Variants in LRRIQ4 observed in about 807,000 individuals in gnomAD.
LRRIQ4 encodes leucine-rich repeat and IQ domain-containing protein 4.
LRRIQ4 carries 21 observed loss-of-function variants against 40.1 expected under a neutral mutation model. That is an observed-to-expected ratio of 0.52 (90% CI 0.37 to 0.75). The LOEUF is 0.75. LRRIQ4 is among the 30% of genes least tolerant of loss of function. LRRIQ4 has a pLI of 0.00. For missense variants in LRRIQ4, 655 were observed against 660.0 expected, an observed-to-expected ratio of 0.99 and a Z score of 0.08; for synonymous variants, 277 against 277.1, an observed-to-expected ratio of 1.00 and a Z score of 0.00.
In LRRIQ4 at chr3:169,837,618, G is replaced by A. The variant is rs1780339271; in HGVS notation, c.1670G>A (p.Gly557Glu). Residue 557 changes from glycine (G) to glutamate (E), a missense_variant, in exon 6 of 6, where the codon GGA becomes GAA. Physicochemically the swap from Gly to Glu is moderately conservative, Grantham distance 98. Coordinates refer to ENST00000340806, the MANE Select transcript of LRRIQ4 (RefSeq NM_001080460.3). Reference protein sequence around the residue: ...KKDVKGKPGKGKKK With the variant: ...KKDVKGKPGKEKKK ...GATGTAAAAGGAAAACCAGGAAAGG[G>A]AAAAAAGAAATAATCCTGTAAATTG... The A allele has an allele frequency of 1.3e-6, 2 of 1,571,994 alleles. No individual in the cohort carries two copies. Among genetic ancestry groups the A allele is most frequent in the Non-Finnish European group, 1.7e-6 (2 of 1,161,428 alleles).
At chr3:169,814,067 C>T (rs1213606635) in intron 1 of LRRIQ4, among the ~76,000 whole-genome samples, 3 of 152,172 alleles carry the variant, frequency 2.0e-5, no homozygotes, top group African/African-American at 7.2e-5. Flanking sequence ...GTTAGACCCT[C>T]TGTCTTACCG....
In LRRIQ4 at chr3:169,837,695, A is replaced by G. The variant is rs1780341401; in HGVS notation, c.*64A>G. On this transcript the variant is annotated 3_prime_UTR_variant, in exon 6 of 6. Coordinates refer to ENST00000340806, the MANE Select transcript of LRRIQ4 (RefSeq NM_001080460.3). The stretch of plus-strand genomic sequence containing the variant: ...GATTAAGAAGACAAAATATCTAGGA[A>G]TTAGATGCCTACTACATTAAAATTA... 1.6e-6 allele frequency: 2 copies of G among 1,224,560 alleles called. No individual in the cohort carries two copies. The highest frequency in any genetic ancestry group is 6.1e-5 in the Admixed American group (2 of 32,708). The allele number at this position is 1,224,560 out of a possible 1,614,324, so 75.9% of individuals were successfully genotyped here.
intron 2 of LRRIQ4, among the ~76,000 whole-genome samples, chr3:169,824,822 T>C (rs779954941): frequency 1.4e-4 from 22 of 151,756 alleles, no homozygotes; most frequent in Non-Finnish European, 2.5e-4. Flanking sequence ...CTATAATATT[T>C]GATTTAAAAA....
chr3:169,832,821 A>G (rs939085660), intron 4 of LRRIQ4, among the ~76,000 whole-genome samples, 166 bp from the exon 5 acceptor site: 9 of 152,128 alleles, frequency 5.9e-5, no homozygotes, highest in African/African-American at 2.2e-4. Flanking sequence ...TAGAGCTAGA[A>G]CTTTTATTAG....
In LRRIQ4 at chr3:169,833,162, C is replaced by T. The variant is rs1480193743; in HGVS notation, c.1509C>T (p.Asn503=). The part of the protein sequence containing the change: ...AIWKYLKENR[N]RNIMATKIQA... ...GGAAATACCTCAAGGAAAACAGAAA[C>T]AGGAATATAATGGCAACAAAGGTAA... Residue 503 remains asparagine, a synonymous_variant, in exon 5 of 6, where the codon AAC becomes AAT. Coordinates refer to ENST00000340806, the MANE Select transcript of LRRIQ4 (RefSeq NM_001080460.3). The T allele has an allele frequency of 6.2e-7, 1 of 1,612,852 alleles. No homozygotes were observed. The highest frequency in any genetic ancestry group is 8.5e-7 in the Non-Finnish European group (1 of 1,179,572).
chr3:169,829,438 A>T (rs1011208932), intron 3 of LRRIQ4, among the ~76,000 whole-genome samples: 6 of 151,702 alleles, frequency 4.0e-5, no homozygotes, highest in African/African-American at 1.5e-4. Flanking sequence ...GGATAACTTC[A>T]TTCAAAGTAG....
Position 169,822,181 on chromosome 3 carries a change from GC to G in LRRIQ4, c.263del (p.Pro88ArgfsTer6), listed in dbSNP as rs765483907. 6.2e-7 allele frequency: 1 copy of G among 1,607,256 alleles called. No individual in the cohort carries two copies. The highest frequency in any genetic ancestry group is 8.5e-7 in the Non-Finnish European group (1 of 1,178,220). On this transcript the variant is annotated frameshift_variant, in exon 2 of 6. Transcript: ENST00000340806. LOFTEE classifies it high-confidence loss of function. Reference sequence around the variant, plus strand: ...GATAAGAACAACCTGAGGAGCCTGTGCCCGGCGCTGGGGCTGCTGAGCAGCC... The same window carrying G: ...GATAAGAACAACCTGAGGAGCCTGTGCCGGCGCTGGGGCTGCTGAGCAGCC... ...YLDKNNLRSL[C>X]PALGLLSSLE...
intron 2 of LRRIQ4, among the ~76,000 whole-genome samples, chr3:169,828,250 T>G (rs1780085055): frequency 6.6e-6 from 1 of 151,998 alleles, no homozygotes; most frequent in Admixed American, 6.6e-5. Flanking sequence ...TTTTTTTTTT[T>G]GAGACAGATT....
intron 1 of LRRIQ4, among the ~76,000 whole-genome samples, chr3:169,820,718 G>A (rs1334485498): frequency 5.3e-5 from 8 of 152,020 alleles, no homozygotes; most frequent in Non-Finnish European, 8.8e-5. Context: ...TTTGTTTCTG[G>A]GTTGGGCTTT....
intron 2 of LRRIQ4, among the ~76,000 whole-genome samples, chr3:169,826,290 G>A (rs1197379046): frequency 6.6e-6 from 1 of 151,782 alleles, no homozygotes; most frequent in Non-Finnish European, 1.5e-5. Flanking sequence ...TACTCGGGAG[G>A]TTGAGGCAGG....
intron 3 of LRRIQ4, among the ~76,000 whole-genome samples, chr3:169,829,527 T>C (rs956226772): frequency 1.3e-5 from 2 of 152,168 alleles, no homozygotes; most frequent in African/African-American, 2.4e-5. Flanking sequence ...TGCACTTTTT[T>C]TTTTGACAGA....
chr3:169,825,367 G>A (rs1016143782), intron 2 of LRRIQ4, among the ~76,000 whole-genome samples: 1 of 152,072 alleles, frequency 6.6e-6, no homozygotes, highest in African/African-American at 2.4e-5. Context: ...ATTGCTATGG[G>A]GTTTTAAAGC....
rs79535537 is a variant in LRRIQ4 at position 169,828,752 on chromosome 3, C to G, written c.1021-7C>G. On this transcript the variant is annotated splice_polypyrimidine_tract_variant and splice_region_variant and intron_variant, in intron 2 of 5. Transcript: ENST00000340806. Reference sequence around the variant, plus strand: ...ACCTGAAACTTATCTTTTTGGAATACTTCTAGTTACCTTCAGAATTGGGCT... The same window carrying G: ...ACCTGAAACTTATCTTTTTGGAATAGTTCTAGTTACCTTCAGAATTGGGCT... 1 of 1,608,484 alleles carries G rather than the reference C, an allele frequency of 6.2e-7. No homozygotes were observed. The highest frequency in any genetic ancestry group is 1.3e-5 in the African/African-American group (1 of 74,508).
intron 1 of LRRIQ4, among the ~76,000 whole-genome samples, chr3:169,814,406 C>T (rs910648597): frequency 5.9e-5 from 9 of 152,178 alleles, no homozygotes; most frequent in African/African-American, 1.9e-4. Context: ...TGTCCAGCCA[C>T]CTGTGTGCTC....
At chr3:169,819,845 T>G (rs1268726465) in intron 1 of LRRIQ4, among the ~76,000 whole-genome samples, 1 of 152,202 alleles carries the variant, frequency 6.6e-6, no homozygotes, top group East Asian at 1.9e-4. Flanking sequence ...TTTCAGAAAT[T>G]TGCAAGTAGG....
At position 169,812,900 on chromosome 3, in the gene LRRIQ4, A is replaced by C. The variant is rs1779656239; in HGVS notation, c.-178A>C. On this transcript the variant is annotated 5_prime_UTR_variant, in exon 1 of 6. Coordinates refer to ENST00000340806, the MANE Select transcript of LRRIQ4 (RefSeq NM_001080460.3). The surrounding 1 kb of genome is among the most constrained non-coding windows in gnomAD (Gnocchi z 4.3). ...AGCAGAGTAGCATCAGCACATGATA[A>C]AGGCGTTGGGCTTTGGGAGCATAAA... The C allele has an allele frequency of 1.3e-5, 3 of 236,492 alleles. No individual in the cohort carries two copies. The highest frequency in any genetic ancestry group is 9.7e-5 in the East Asian group (1 of 10,314). The allele number at this position is 236,492 out of a possible 1,614,324, so 14.6% of individuals were successfully genotyped here.
chr3:169,835,126 A>C (rs1780277201), intron 5 of LRRIQ4, among the ~76,000 whole-genome samples: 1 of 152,156 alleles, frequency 6.6e-6, no homozygotes, highest in African/African-American at 2.4e-5. Context: ...AGAACAGAAG[A>C]AGCTTTTTTT....
In LRRIQ4 at chr3:169,830,649, T is replaced by C; in HGVS notation, c.1333+19T>C. 2 of 1,613,784 alleles carry C rather than the reference T, an allele frequency of 1.2e-6. No homozygotes were observed. The highest frequency in any genetic ancestry group is 1.1e-5 in the South Asian group (1 of 91,030). On this transcript the variant is annotated intron_variant, in intron 4 of 5. Transcript: ENST00000340806. Reference sequence around the variant, plus strand: ...GCACAAGGTGAGGAAACTTAGTAGATTCACAGCCTAGCAGAGTTTGTGGCC... The same window carrying C: ...GCACAAGGTGAGGAAACTTAGTAGACTCACAGCCTAGCAGAGTTTGTGGCC...
intron 2 of LRRIQ4, among the ~76,000 whole-genome samples, chr3:169,827,535 A>C (rs1415812733): frequency 1.4e-5 from 2 of 144,998 alleles, no homozygotes; most frequent in African/African-American, 5.3e-5. Flanking sequence ...TGAACCCGGG[A>C]AGCGGAGCTT....
Sources: gnomAD v4.1 joint callset for allele counts (sites outside exome capture counted in the v4.1 genomes callset) on GRCh38, gnomAD v4.1.1 for gene constraint, Gnocchi (gnomAD v3.1) non-coding constraint, MANE v1.5 for transcripts, NCBI Gene and HGNC (gene_info 2026-07-23, HGNC 2026-07-21) for gene names.